KCNK2: variants seen among roughly 807,000 people sequenced by gnomAD.
The protein encoded by KCNK2 is potassium channel subfamily K member 2.
A neutral mutation model predicts 40.5 loss-of-function variants in KCNK2; 21 were observed. That is an observed-to-expected ratio of 0.52 (90% confidence interval 0.37 to 0.75). The LOEUF is 0.75. Among genes scored for constraint, KCNK2 ranks in the 30% least tolerant of loss-of-function variants. The probability of loss-of-function intolerance (pLI) is 0.00; values close to 1 mark genes in which losing one functional copy is unlikely to be tolerated. For synonymous variants in KCNK2, 191 were observed against 202.2 expected (o/e 0.94, Z 0.47); for missense variants, 399 against 531.6 (o/e 0.75, Z 2.45).
chr1:215,209,472 T>TAAATA (rs1410327365), intron 6 of KCNK2, among the ~76,000 whole-genome samples: 1 of 24,132 alleles, frequency 4.1e-5, no homozygotes, highest in Non-Finnish European at 1.3e-4. Flanking sequence ...ATATATAATA[T>TAAATA]ATATTATATA....
intron 1 of KCNK2, among the ~76,000 whole-genome samples, chr1:215,058,690 TA>T (rs1158172261): frequency 2.6e-5 from 4 of 152,168 alleles, no homozygotes; most frequent in Non-Finnish European, 5.9e-5. Context: ...AAGCCCTACA[TA>T]ATCGCCCCCC....
At chr1:215,005,675 C>T (rs765014119), upstream of KCNK2, 39 of 421,490 alleles carry the variant, frequency 9.3e-5, no homozygotes, top group Admixed American at 7.4e-4. Flanking sequence ...CTTCCTGAAC[C>T]AGACTGTAAA....
chr1:215,145,544 G>A (rs10779643), intron 3 of KCNK2, among the ~76,000 whole-genome samples: 116,888 of 152,106 alleles, frequency 0.77, 45,216 homozygotes, highest in Non-Finnish European at 0.79. Flanking sequence ...CCAAGATCCA[G>A]CTTTCTAAAA....
chr1:215,033,215 T>G (rs1231277922), intron 1 of KCNK2, among the ~76,000 whole-genome samples: 1 of 151,630 alleles, frequency 6.6e-6, no homozygotes, highest in East Asian at 1.9e-4. Context: ...TTTTTTTTTT[T>G]TTTGTAGTTA....
At chr1:215,084,697 A>G (rs914626717) in intron 1 of KCNK2, among the ~76,000 whole-genome samples, 1 of 152,172 alleles carries the variant, frequency 6.6e-6, no homozygotes, top group Admixed American at 6.5e-5. Context: ...TTGTGGCTTT[A>G]TTTGGAACAG....
At chr1:215,165,082 C>A (rs6657313) in intron 3 of KCNK2, among the ~76,000 whole-genome samples, 116,988 of 152,128 alleles carry the variant, frequency 0.77, 45,275 homozygotes, top group Non-Finnish European at 0.79. Flanking sequence ...CAAAGTATTA[C>A]ACACTGCAAG....
intron 6 of KCNK2, among the ~76,000 whole-genome samples, chr1:215,216,545 T>C (rs1665971547): frequency 6.7e-6 from 1 of 150,022 alleles, no homozygotes; most frequent in Non-Finnish European, 1.5e-5. Context: ...ATATATCATA[T>C]ATAGAATGTT....
chr1:215,063,180 G>A (rs954990124), intron 1 of KCNK2, among the ~76,000 whole-genome samples: 2 of 152,160 alleles, frequency 1.3e-5, no homozygotes, highest in South Asian at 2.1e-4. Flanking sequence ...GGGAACTAGG[G>A]TACTGCAGCA....
In KCNK2 at chr1:215,090,205, C is replaced by G. The variant is rs548448496; in HGVS notation, c.357+3527C>G. The stretch of plus-strand genomic sequence containing the variant: ...CACTTACTATGTGCAAGGCATTATT[C>G]TAACTATTTACCTATATTATCTCAC... On this transcript the variant is annotated intron_variant, in intron 2 of 6. Transcript: ENST00000444842. Among the ~76,000 whole-genome samples, 4 of 152,274 alleles carry G rather than the reference C, an allele frequency of 2.6e-5. No homozygotes were observed. The South Asian group carries it at 8.3e-4, about 32-fold the overall frequency.
chr1:215,057,199 ATTTT>A (rs59891592), intron 1 of KCNK2, among the ~76,000 whole-genome samples: 1 of 142,818 alleles, frequency 7.0e-6, no homozygotes, highest in Admixed American at 6.9e-5. Context: ...AGGTACAAGT[ATTTT>A]TTTTTTTTTT....
chr1:215,163,326 G>A (rs909989613), intron 3 of KCNK2, among the ~76,000 whole-genome samples: 38 of 152,092 alleles, frequency 2.5e-4, no homozygotes, highest in African/African-American at 8.9e-4. Context: ...GGGCTGAGAC[G>A]ATGGAGTTTT....
intron 1 of KCNK2, among the ~76,000 whole-genome samples, chr1:215,016,196 T>A (rs1444083657): frequency 1.3e-5 from 2 of 152,226 alleles, no homozygotes; most frequent in East Asian, 3.9e-4. Flanking sequence ...AAGAGAGGAT[T>A]AATGAATTGG....
intron 4 of KCNK2, among the ~76,000 whole-genome samples, chr1:215,171,249 A>AT (rs1347679906): frequency 5.9e-5 from 9 of 152,088 alleles, no homozygotes; most frequent in South Asian, 2.1e-4. Flanking sequence ...CACTATAGAG[A>AT]TTTTTTTACT....
In KCNK2 at chr1:215,007,179, G is replaced by A. The variant is rs1203818313; in HGVS notation, c.34+1224G>A. On this transcript the variant is annotated intron_variant, in intron 1 of 6. Transcript: ENST00000391895. ...TATGTATGTATATATATATGTATGT[G>A]TGTGGGTATATATATATATATATAT... Among the ~76,000 whole-genome samples the A allele has an allele frequency of 4.7e-4, 32 of 68,106 alleles. 2 individuals carry two copies. The East Asian group carries it at 1.0e-2, about 21-fold the overall frequency. 44.7% of individuals were successfully genotyped at this position (68,106 alleles called of 152,430 possible). A position where few individuals can be genotyped will look rare whatever the true frequency, so the allele number is the denominator to read the frequency against.
At chr1:215,019,946 C>A (rs1656731881) in intron 1 of KCNK2, among the ~76,000 whole-genome samples, 1 of 118,420 alleles carries the variant, frequency 8.4e-6, no homozygotes, top group Admixed American at 8.2e-5. Flanking sequence ...AGCAGAGGGA[C>A]CACTATATAT....
chr1:215,112,384 G>T (rs552584007), intron 2 of KCNK2, among the ~76,000 whole-genome samples: 118 of 151,740 alleles, frequency 7.8e-4, no homozygotes, highest in African/African-American at 2.8e-3. Context: ...ATGGAATAAA[G>T]ATATAAAGAA....
intron 3 of KCNK2, among the ~76,000 whole-genome samples, chr1:215,161,036 AT>A (rs1443585797): frequency 6.6e-6 from 1 of 152,078 alleles, no homozygotes; most frequent in Admixed American, 6.6e-5. Flanking sequence ...CATTACTCAT[AT>A]CGGAACCTGG....
intron 6 of KCNK2, among the ~76,000 whole-genome samples, chr1:215,214,885 T>TCC (rs1571740349): frequency 6.6e-6 from 1 of 152,126 alleles, no homozygotes; most frequent in Non-Finnish European, 1.5e-5. Flanking sequence ...ATATGGATTG[T>TCC]CCCCTATTGG....
At chr1:215,019,003 A>G (rs951265746) in intron 1 of KCNK2, among the ~76,000 whole-genome samples, 1 of 141,950 alleles carries the variant, frequency 7.0e-6, no homozygotes, top group African/African-American at 2.4e-5. Flanking sequence ...ACACACAAAA[A>G]AAAAACCATC....
Sources: allele counts gnomAD v4.1 joint callset (sites outside exome capture counted in the v4.1 genomes callset), GRCh38; gene constraint gnomAD v4.1.1; transcripts MANE v1.5; gene names NCBI Gene and HGNC (gene_info 2026-07-23, HGNC 2026-07-21).